The following EPS8 variants were observed in gnomAD, a reference collection of about 807,000 sequenced individuals.
EPS8 encodes the protein EGFR pathway substrate 8, signaling adaptor, also known as epidermal growth factor receptor kinase substrate 8.
A neutral mutation model predicts 103.8 loss-of-function variants in EPS8; 42 were observed. The observed-to-expected ratio is 0.40, with a 90% confidence interval of 0.32 to 0.52. The LOEUF (loss-of-function observed/expected upper bound fraction) is 0.52, where lower values mean the gene tolerates loss of function less well. Ranked by LOEUF, EPS8 falls within the 20% of genes least tolerant of loss-of-function variation. The pLI, the probability that EPS8 is intolerant of heterozygous loss-of-function variation, is 0.40. For missense variants in EPS8, 969 were observed against 1,005.1 expected, an observed-to-expected ratio of 0.96 and a Z score of 0.49; for synonymous variants, 344 against 344.6, an observed-to-expected ratio of 1.00 and a Z score of 0.02.
At position 15,700,221 on chromosome 12, in the gene EPS8, T is replaced by C. The variant is rs945695321; in HGVS notation, c.-21-17249A>G. On this transcript the variant is annotated intron_variant, in intron 1 of 20. Coordinates refer to ENST00000281172, the MANE Select transcript of EPS8 (RefSeq NM_004447.6). This position sits in a 1 kb window ranked among gnomAD's most constrained non-coding sequence, Gnocchi z 5.1. ...CTCAACGTTAACAATATCTAGTCAA[T>C]TGGCAATTATTTATCATGTTTAATG... 2.6e-5 allele frequency among the ~76,000 whole-genome samples: 4 copies of C among 152,132 alleles called. No individual in the cohort carries two copies. Among genetic ancestry groups the C allele is most frequent in the South Asian group, 2.1e-4 (1 of 4,812 alleles).
rs1315945403 is a variant in EPS8 at position 15,684,230 on chromosome 12, G to A, written c.-21-1258C>T. On this transcript the variant is annotated intron_variant, in intron 1 of 20. Coordinates refer to ENST00000281172, the MANE Select transcript of EPS8 (RefSeq NM_004447.6). This position sits in a 1 kb window ranked among gnomAD's most constrained non-coding sequence, Gnocchi z 4.9. ...ATAATATTCAAGATCTGGTCACTTC[G>A]AGTTAATTCTGTCTCATTCTTCAGA... The A allele has an allele frequency of 2.6e-5, 4 of 152,124 alleles. No individual in the cohort carries two copies. The highest frequency in any genetic ancestry group is 4.4e-5 in the Non-Finnish European group (3 of 68,010). The allele number at this position is 152,124 out of a possible 1,614,324, so 9.4% of individuals were successfully genotyped here.
In EPS8 at chr12:15,686,043, G is replaced by A. The variant is rs957065198; in HGVS notation, c.-21-3071C>T. ...TAGCTACCACCTACAGTTGGCTCCT[G>A]AACAAGAGGAGGGTGAACTGCAGAG... On this transcript the variant is annotated intron_variant, in intron 1 of 20. Transcript: ENST00000281172. Among the ~76,000 whole-genome samples the A allele has an allele frequency of 4.6e-5, 7 of 152,008 alleles. No individual in the cohort carries two copies. In the East Asian group the frequency reaches 1.3e-3, roughly 29 times the overall value.
intron 18 of EPS8, among the ~76,000 whole-genome samples, chr12:15,631,049 C>T (rs961827167): frequency 2.9e-4 from 44 of 152,278 alleles, no homozygotes; most frequent in African/African-American, 1.0e-3. Context: ...TCATTAAATC[C>T]TCACACTTAT....
Position 15,778,207 on chromosome 12 carries a change from T to C in EPS8, c.-22+10954A>G, listed in dbSNP as rs75168119. ...TACTTTAAGCAAATCTGAGAATTAA[T>C]GCACACGAAAATCTTCAGAGGGTGA... On this transcript the variant is annotated intron_variant, in intron 1 of 20. Transcript: ENST00000281172. The surrounding 1 kb of genome is among the most constrained non-coding windows in gnomAD (Gnocchi z 4.5). 7.7e-3 allele frequency among the ~76,000 whole-genome samples: 1,174 copies of C among 152,326 alleles called. 16 individuals carry two copies. The highest frequency in any genetic ancestry group is 0.027 in the African/African-American group (1,110 of 41,576).
rs1565483749 is a variant in EPS8 at position 15,658,097 on chromosome 12, C to CA, written c.1082dup (p.Leu361PhefsTer16). 6.2e-7 allele frequency: 1 copy of CA among 1,606,064 alleles called. No individual in the cohort carries two copies. The highest frequency in any genetic ancestry group is 1.7e-5 in the Admixed American group (1 of 59,860). Reference sequence around the variant, plus strand: ...ATCTCACCATATTTAATGGAGTAAACAAAAAGTGAACCAAATCTGCAGCAC... The same window carrying CA: ...ATCTCACCATATTTAATGGAGTAAACAAAAAAGTGAACCAAATCTGCAGCAC... On this transcript the variant is annotated frameshift_variant, in exon 12 of 21. Coordinates refer to ENST00000281172, the MANE Select transcript of EPS8 (RefSeq NM_004447.6). LOFTEE classifies it high-confidence loss of function.
chr12:15,622,079 G>A (rs1465187962), intron 20 of EPS8, among the ~76,000 whole-genome samples: 1 of 152,208 alleles, frequency 6.6e-6, no homozygotes, highest in African/African-American at 2.4e-5. Context: ...CCATCCTGAA[G>A]TGGGTGGTGA....
At chr12:15,719,950 A>G (rs1946576680) in intron 1 of EPS8, among the ~76,000 whole-genome samples, 1 of 152,176 alleles carries the variant, frequency 6.6e-6, no homozygotes, top group Non-Finnish European at 1.5e-5. Context: ...TTGAAATCTA[A>G]ACCTTAATTA....
At chr12:15,654,046 C>G in intron 13 of EPS8, 99 bp downstream of exon 13, 1 of 1,178,944 alleles carries the variant, frequency 8.5e-7, no homozygotes, top group Non-Finnish European at 1.2e-6. Flanking sequence ...TCCTATGACG[C>G]TTAGTCCTTC....
chr12:15,715,487 T>C lies in EPS8; in HGVS notation c.-21-32515A>G, dbSNP rs373210253. 3.5e-4 allele frequency among the ~76,000 whole-genome samples: 52 copies of C among 146,932 alleles called. 2 individuals are homozygous for C. The South Asian group carries it at 0.01, about 29-fold the overall frequency. On this transcript the variant is annotated intron_variant, in intron 1 of 20. Coordinates refer to ENST00000281172, the MANE Select transcript of EPS8 (RefSeq NM_004447.6). ...TTGGCTCACTGCAGCTTCCGCCTAC[T>C]GGGTTCAAGTGATTCTCCTCCCGAA...
chr12:15,655,229 G>C (rs1945485952), intron 12 of EPS8, among the ~76,000 whole-genome samples: 1 of 152,112 alleles, frequency 6.6e-6, no homozygotes, highest in African/African-American at 2.4e-5. Context: ...TCTTGTGAAA[G>C]CCTGTGTTAA....
chr12:15,633,157 G>A (rs1945078933), intron 17 of EPS8, among the ~76,000 whole-genome samples: 1 of 152,046 alleles, frequency 6.6e-6, no homozygotes, highest in South Asian at 2.1e-4. Context: ...TATTTTTAAT[G>A]TATTCAATAC....
chr12:15,628,709 T>A (rs890879654), intron 18 of EPS8, among the ~76,000 whole-genome samples: 1 of 152,234 alleles, frequency 6.6e-6, no homozygotes, highest in Non-Finnish European at 1.5e-5. Context: ...ACAGGCATGT[T>A]GGCTTTTTTC....
intron 15 of EPS8, among the ~76,000 whole-genome samples, chr12:15,645,811 T>C (rs1279275819): frequency 6.6e-6 from 1 of 152,312 alleles, no homozygotes; most frequent in Non-Finnish European, 1.5e-5. Context: ...GTATGCTAAA[T>C]GTGGTCTTCA....
intron 3 of EPS8, chr12:15,672,317 CT>C: frequency 2.6e-6 from 1 of 390,710 alleles, no homozygotes; most frequent in Non-Finnish European, 4.5e-6. Context: ...TTTATATTTA[CT>C]TTTAAAATTT....
rs928228834 is a variant in EPS8 at position 15,772,404 on chromosome 12, G to A, written c.-22+16757C>T. 3.0e-4 allele frequency among the ~76,000 whole-genome samples: 46 copies of A among 152,248 alleles called. No individual in the cohort carries two copies. The highest frequency in any genetic ancestry group is 9.6e-4 in the African/African-American group (40 of 41,554). Reference sequence around the variant, plus strand: ...AGAACTGAGAGTAACTGTTCTAAACGAAACACTGAGGTTCCCTAGAAAGAG... The same window carrying A: ...AGAACTGAGAGTAACTGTTCTAAACAAAACACTGAGGTTCCCTAGAAAGAG... On this transcript the variant is annotated intron_variant, in intron 1 of 20. Coordinates refer to ENST00000281172, the MANE Select transcript of EPS8 (RefSeq NM_004447.6). The surrounding 1 kb of genome is among the most constrained non-coding windows in gnomAD (Gnocchi z 5.0).
rs1408104336 is a variant in EPS8 at position 15,764,235 on chromosome 12, C to T, written c.-22+24926G>A. The stretch of plus-strand genomic sequence containing the variant: ...TTATTCACTGTCACAAGAACAGCAC[C>T]ACGGGAAAGACCCACCCCCATGATT... On this transcript the variant is annotated intron_variant, in intron 1 of 20. Transcript: ENST00000281172. This position sits in a 1 kb window ranked among gnomAD's most constrained non-coding sequence, Gnocchi z 4.1. 6.6e-6 allele frequency among the ~76,000 whole-genome samples: 1 copy of T among 152,122 alleles called. No homozygotes were observed. Among genetic ancestry groups the T allele is most frequent in the Non-Finnish European group, 1.5e-5 (1 of 68,022 alleles).
intron 19 of EPS8, 142 bp downstream of exon 19, chr12:15,624,085 T>C: frequency 3.2e-6 from 2 of 621,766 alleles, no homozygotes; most frequent in Admixed American, 3.0e-5. Flanking sequence ...TGAACAGCTA[T>C]AGTGAGTTCT....
chr12:15,645,802 T>A (rs984518396), intron 15 of EPS8, among the ~76,000 whole-genome samples: 2 of 152,120 alleles, frequency 1.3e-5, no homozygotes, highest in Non-Finnish European at 2.9e-5. Context: ...GTGACCACAG[T>A]ATGCTAAATG....
intron 18 of EPS8, among the ~76,000 whole-genome samples, chr12:15,628,614 C>T (rs529344024): frequency 6.6e-6 from 1 of 152,302 alleles, no homozygotes; most frequent in Non-Finnish European, 1.5e-5. Flanking sequence ...GCTTCTATGA[C>T]ACAAGGCTTC....
Sources: gnomAD v4.1 joint callset for allele counts (sites outside exome capture counted in the v4.1 genomes callset) on GRCh38, gnomAD v4.1.1 for gene constraint, Gnocchi (gnomAD v3.1) non-coding constraint, MANE v1.5 for transcripts, NCBI Gene and HGNC (gene_info 2026-07-23, HGNC 2026-07-21) for gene names.